Variants in ENTPD1 observed in about 807,000 individuals in gnomAD.
ENTPD1 encodes ATP diphosphohydrolase.
A neutral mutation model predicts 57.0 loss-of-function variants in ENTPD1; 33 were observed. The ratio of observed to expected loss-of-function variants is 0.58; its 90% confidence interval spans 0.44 to 0.77. The LOEUF (loss-of-function observed/expected upper bound fraction) is 0.77. ENTPD1 is among the 30% of genes least tolerant of loss of function. ENTPD1 has a pLI of 0.00. For synonymous variants in ENTPD1, 202 were observed against 218.8 expected (o/e 0.92, Z 0.68); for missense variants, 501 against 603.4 (o/e 0.83, Z 1.78).
At chr10:95,752,098 C>G (rs1416199589), upstream of ENTPD1, among the ~76,000 whole-genome samples, 1 of 152,126 alleles carries the variant, frequency 6.6e-6, no homozygotes, top group Non-Finnish European at 1.5e-5. Context: ...GGAAGGCCAA[C>G]AATGGCCCAT....
At chr10:95,757,443 CTGTTTCT>C in intron 1 of ENTPD1, among the ~76,000 whole-genome samples, 1 of 152,210 alleles carries the variant, frequency 6.6e-6, no homozygotes, top group Admixed American at 6.5e-5. Flanking sequence ...CTCCCCAATA[CTGTTTCT>C]CTGCTTTTTC....
chr10:95,750,680 A>T (rs2098010784), upstream of ENTPD1, among the ~76,000 whole-genome samples: 1 of 152,246 alleles, frequency 6.6e-6, no homozygotes. Context: ...TAGGAGGACC[A>T]GGTGGATAAG....
intron 1 of ENTPD1, among the ~76,000 whole-genome samples, chr10:95,799,239 C>T (rs552975478): frequency 5.3e-5 from 8 of 152,206 alleles, no homozygotes; most frequent in African/African-American, 1.9e-4. Context: ...TATTTCATCA[C>T]CCAGGTATTA....
At chr10:95,699,339 G>A in the ENTPD1 span, among the ~76,000 whole-genome samples, 1 of 152,182 alleles carries the variant, frequency 6.6e-6, no homozygotes, top group Non-Finnish European at 1.5e-5. Context: ...GCCAAGTGTG[G>A]TGGCTCATGC....
At chr10:95,783,893 C>A (rs142732967) in intron 1 of ENTPD1, among the ~76,000 whole-genome samples, 4 of 152,092 alleles carry the variant, frequency 2.6e-5, no homozygotes, top group African/African-American at 9.6e-5. Flanking sequence ...GAAAGAGGAA[C>A]AAATTTTAAG....
At chr10:95,799,865 G>A (rs2098241637) in intron 1 of ENTPD1, among the ~76,000 whole-genome samples, 1 of 152,050 alleles carries the variant, frequency 6.6e-6, no homozygotes, top group African/African-American at 2.4e-5. Flanking sequence ...TTGTGGTTTT[G>A]CATTCCTCTA....
chr10:95,778,726 G>A (rs1207558842), intron 1 of ENTPD1, among the ~76,000 whole-genome samples: 6 of 151,800 alleles, frequency 4.0e-5, no homozygotes, highest in Admixed American at 3.9e-4. Context: ...TGGTATCATG[G>A]ATGCAATATT....
chr10:95,867,943 A>G lies in ENTPD1; in HGVS notation c.*1560A>G. On this transcript the variant is annotated 3_prime_UTR_variant, in exon 10 of 10. Coordinates refer to ENST00000371205, the MANE Select transcript of ENTPD1 (RefSeq NM_001776.6). ...AATCTTCTTTTCTGCTACTTAGGTT[A>G]AATTCACTAGATCTTGATTAGGAAT... 1.0e-6 allele frequency: 1 copy of G among 985,482 alleles called. No homozygotes were observed. The highest frequency in any genetic ancestry group is 1.2e-6 in the Non-Finnish European group (1 of 829,944). The allele number at this position is 985,482 out of a possible 1,614,324, so 61.0% of individuals were successfully genotyped here.
chr10:95,815,818 AGAACAGGAAAGAAAGGAGAGAACCCTTG>A (rs1476786525), intron 1 of ENTPD1, among the ~76,000 whole-genome samples: 1 of 152,234 alleles, frequency 6.6e-6, no homozygotes, highest in Non-Finnish European at 1.5e-5. Flanking sequence ...AAAAGGCTTT[AGAACAGGAAAGAAAGGAGAGAACCCTTG>A]GAAGAGATCC....
At chr10:95,829,253 A>G (rs189760523) in intron 2 of ENTPD1, among the ~76,000 whole-genome samples, 1 of 152,310 alleles carries the variant, frequency 6.6e-6, no homozygotes, top group Admixed American at 6.5e-5. Context: ...AAATTACCAC[A>G]TTGGGCCACT....
chr10:95,758,972 G>C (rs766234920), intron 1 of ENTPD1, among the ~76,000 whole-genome samples: 1 of 152,178 alleles, frequency 6.6e-6, no homozygotes, highest in Non-Finnish European at 1.5e-5. Context: ...CCTGGGACAG[G>C]TTCTTGAATT....
intron 1 of ENTPD1, among the ~76,000 whole-genome samples, chr10:95,762,932 C>T (rs1413193054): frequency 2.6e-5 from 4 of 151,890 alleles, no homozygotes; most frequent in Admixed American, 1.3e-4. Flanking sequence ...ACATTTTTCA[C>T]GATATACTTC....
In ENTPD1 at chr10:95,829,016, C is replaced by T. The variant is rs555653570; in HGVS notation, c.144+5652C>T. Among the ~76,000 whole-genome samples the T allele has an allele frequency of 2.0e-5, 3 of 152,280 alleles. No individual in the cohort carries two copies. The South Asian group carries it at 6.2e-4, about 32-fold the overall frequency. On this transcript the variant is annotated intron_variant, in intron 2 of 9. Coordinates refer to ENST00000371205, the MANE Select transcript of ENTPD1 (RefSeq NM_001776.6). The stretch of plus-strand genomic sequence containing the variant: ...ATGAGCCATCGCACCTGGCCATGCC[C>T]ATTTTATAGATAACAAAATCAAAGC...
intron 1 of ENTPD1, among the ~76,000 whole-genome samples, chr10:95,740,638 C>A (rs543556185): frequency 1.9e-4 from 29 of 152,340 alleles, no homozygotes; most frequent in Non-Finnish European, 3.7e-4. Flanking sequence ...AAGATGGCAT[C>A]TTCTTCCAAA....
At chr10:95,755,875 G>A, upstream of ENTPD1, 8 of 1,517,686 alleles carry the variant, frequency 5.3e-6, no homozygotes, top group Non-Finnish European at 7.1e-6. Context: ...CTATAACGAA[G>A]AGAGGGAGAG....
intron 1 of ENTPD1, among the ~76,000 whole-genome samples, chr10:95,759,622 C>A (rs933635323): frequency 5.3e-5 from 8 of 152,218 alleles, no homozygotes; most frequent in African/African-American, 1.7e-4. Flanking sequence ...TCCTGGCATA[C>A]CTTCAAACCA....
At chr10:95,772,065 TA>T (rs972607224) in intron 1 of ENTPD1, among the ~76,000 whole-genome samples, 45 of 152,266 alleles carry the variant, frequency 3.0e-4, no homozygotes, top group African/African-American at 7.7e-4. Context: ...GCATTATGTT[TA>T]AAAAAATGCA....
At chr10:95,814,035 C>T (rs966805291) in intron 1 of ENTPD1, among the ~76,000 whole-genome samples, 82 of 152,186 alleles carry the variant, frequency 5.4e-4, no homozygotes, top group African/African-American at 1.9e-3. Flanking sequence ...TTTTCAATTT[C>T]AGATGTGGAA....
intron 1 of ENTPD1, among the ~76,000 whole-genome samples, chr10:95,739,022 C>A (rs1047646454): frequency 2.0e-5 from 3 of 152,162 alleles, no homozygotes; most frequent in Non-Finnish European, 4.4e-5. Flanking sequence ...TTATATTATA[C>A]ATTATATTAT....
Sources: gnomAD v4.1 joint callset for allele counts (sites outside exome capture counted in the v4.1 genomes callset) on GRCh38, gnomAD v4.1.1 for gene constraint, MANE v1.5 for transcripts, NCBI Gene and HGNC (gene_info 2026-07-23, HGNC 2026-07-21) for gene names.